Variants in GALNTL6 observed in about 807,000 individuals in gnomAD.
The protein encoded by GALNTL6 is polypeptide N-acetylgalactosaminyltransferase-like 6.
Under a neutral mutation model 73.7 loss-of-function variants are expected in GALNTL6, and 46 were observed. The observed-to-expected ratio is 0.62, with a 90% CI of 0.49 to 0.80. The LOEUF (loss-of-function observed/expected upper bound fraction) is 0.80. Among genes scored for constraint, GALNTL6 ranks in the 30% least tolerant of loss-of-function variants. The probability of loss-of-function intolerance (pLI) is 0.00; values close to 1 mark genes in which losing one functional copy is unlikely to be tolerated. For synonymous variants in GALNTL6, 259 were observed against 263.7 expected, an observed-to-expected ratio of 0.98 and a Z score of 0.17; for missense variants, 604 against 755.0, an observed-to-expected ratio of 0.80 and a Z score of 2.34.
intron 5 of GALNTL6, among the ~76,000 whole-genome samples, chr4:172,747,447 C>T (rs1293826823): frequency 1.3e-5 from 2 of 151,774 alleles, no homozygotes; most frequent in African/African-American, 4.8e-5. Context: ...CAAAAAAATA[C>T]AAATTAAAAC....
At chr4:172,367,444 C>CG (rs1742606187) in intron 5 of GALNTL6, among the ~76,000 whole-genome samples, 1 of 151,880 alleles carries the variant, frequency 6.6e-6, no homozygotes, top group Non-Finnish European at 1.5e-5. Flanking sequence ...TGAATGCCTT[C>CG]ATAAGGCCCC....
chr4:172,175,541 C>T (rs1734962288), intron 2 of GALNTL6, among the ~76,000 whole-genome samples: 1 of 152,090 alleles, frequency 6.6e-6, no homozygotes, highest in African/African-American at 2.4e-5. Flanking sequence ...AATTTTATGT[C>T]CAGATTACAA....
chr4:172,282,082 G>T (rs886348607), intron 3 of GALNTL6, among the ~76,000 whole-genome samples: 2 of 152,080 alleles, frequency 1.3e-5, no homozygotes, highest in Non-Finnish European at 2.9e-5. Context: ...TAAAGCTTCT[G>T]TTCATCAAAA....
chr4:171,953,991 A>C (rs1003755320), intron 2 of GALNTL6, among the ~76,000 whole-genome samples: 1 of 152,194 alleles, frequency 6.6e-6, no homozygotes, highest in Non-Finnish European at 1.5e-5. Flanking sequence ...ATGTTCAAGA[A>C]ATGATCACTG....
intron 8 of GALNTL6, among the ~76,000 whole-genome samples, chr4:172,892,435 T>G (rs991492612): frequency 1.3e-5 from 2 of 152,164 alleles, no homozygotes; most frequent in Admixed American, 1.3e-4. Context: ...TGTGGATAGT[T>G]TCCTGCTTTG....
intron 5 of GALNTL6, among the ~76,000 whole-genome samples, chr4:172,355,817 T>G (rs1366890465): frequency 6.6e-6 from 1 of 152,166 alleles, no homozygotes; most frequent in Non-Finnish European, 1.5e-5. Context: ...TTTGCTCTCT[T>G]CTCAAACATT....
At chr4:172,363,023 C>G (rs1183047704) in intron 5 of GALNTL6, among the ~76,000 whole-genome samples, 1 of 152,142 alleles carries the variant, frequency 6.6e-6, no homozygotes, top group Admixed American at 6.5e-5. Flanking sequence ...ACAATCAAAA[C>G]TGGCAGTCTT....
At chr4:172,075,366 G>T (rs752693024) in intron 2 of GALNTL6, among the ~76,000 whole-genome samples, 1 of 151,930 alleles carries the variant, frequency 6.6e-6, no homozygotes, top group South Asian at 2.1e-4. Context: ...ACGGAGTCTT[G>T]CTCTGTCGCC....
At chr4:172,857,342 G>A (rs554352425) in intron 7 of GALNTL6, among the ~76,000 whole-genome samples, 1 of 152,216 alleles carries the variant, frequency 6.6e-6, no homozygotes, top group African/African-American at 2.4e-5. Context: ...CTTTTGGCCT[G>A]AACACGGGCC....
chr4:171,990,038 A>C (rs1579038983), intron 2 of GALNTL6, among the ~76,000 whole-genome samples: 1 of 152,158 alleles, frequency 6.6e-6, no homozygotes, highest in African/African-American at 2.4e-5. Context: ...TGAGGAGGGG[A>C]GGTGATAAAA....
intron 5 of GALNTL6, among the ~76,000 whole-genome samples, chr4:172,774,946 C>T (rs189293264): frequency 7.3e-4 from 105 of 144,622 alleles, no homozygotes; most frequent in Middle Eastern, 3.5e-3. Flanking sequence ...GGTGACAGAG[C>T]GAGGCTCCAT....
chr4:172,009,122 C>T (rs1340961611), intron 2 of GALNTL6, among the ~76,000 whole-genome samples: 1 of 151,906 alleles, frequency 6.6e-6, no homozygotes, highest in East Asian at 1.9e-4. Flanking sequence ...GATATAGGAC[C>T]TATATATTTC....
At chr4:172,535,680 G>T (rs537770626) in intron 5 of GALNTL6, among the ~76,000 whole-genome samples, 3 of 152,120 alleles carry the variant, frequency 2.0e-5, no homozygotes, top group African/African-American at 7.2e-5. Flanking sequence ...ATTTTTAAAT[G>T]TGTCACTGTA....
At position 172,339,570 on chromosome 4, in the gene GALNTL6, C is replaced by G. The variant is rs142780142; in HGVS notation, c.387-8953C>G. The stretch of plus-strand genomic sequence containing the variant: ...TTGGGTTGCCGAAGAGTGACTGACT[C>G]TGTATGCTCCTGGATTAAAAATGGC... On this transcript the variant is annotated intron_variant, in intron 4 of 12. Transcript: ENST00000506823. Among the ~76,000 whole-genome samples, 7 of 152,288 alleles carry G rather than the reference C, an allele frequency of 4.6e-5. No individual in the cohort carries two copies. In the East Asian group the frequency reaches 1.4e-3, roughly 30 times the overall value.
At chr4:171,846,897 TG>T (rs1735386841) in intron 2 of GALNTL6, among the ~76,000 whole-genome samples, 2 of 12,978 alleles carry the variant, frequency 1.5e-4, no homozygotes, top group South Asian at 0.013. Context: ...CATAATTATA[TG>T]TAATTATATA....
At chr4:171,922,461 T>C (rs1578974845) in intron 2 of GALNTL6, among the ~76,000 whole-genome samples, 2 of 152,106 alleles carry the variant, frequency 1.3e-5, no homozygotes, top group Non-Finnish European at 2.9e-5. Flanking sequence ...CTGGTACTAA[T>C]AAGAACATTA....
intron 4 of GALNTL6, among the ~76,000 whole-genome samples, chr4:172,339,170 A>G (rs1741452880): frequency 6.6e-6 from 1 of 151,962 alleles, no homozygotes; most frequent in African/African-American, 2.4e-5. Flanking sequence ...ATGTCTGGAG[A>G]TATGCCTGGG....
intron 5 of GALNTL6, among the ~76,000 whole-genome samples, chr4:172,580,503 A>G (rs1737140833): frequency 6.6e-6 from 1 of 152,224 alleles, no homozygotes; most frequent in Non-Finnish European, 1.5e-5. Flanking sequence ...AGAGTAAAAC[A>G]CAGAAAAATT....
chr4:172,985,143 A>C (rs576978103), intron 10 of GALNTL6, among the ~76,000 whole-genome samples: 7 of 152,148 alleles, frequency 4.6e-5, no homozygotes, highest in Non-Finnish European at 8.8e-5. Flanking sequence ...CAGCAATATG[A>C]GATGAGTCTG....
Sources: gnomAD v4.1 joint callset for allele counts (sites outside exome capture counted in the v4.1 genomes callset) on GRCh38, gnomAD v4.1.1 for gene constraint, MANE v1.5 for transcripts, NCBI Gene and HGNC (gene_info 2026-07-23, HGNC 2026-07-21) for gene names.